The following GRM7 variants were observed in gnomAD, a reference collection of about 807,000 sequenced individuals.
GRM7 encodes the protein metabotropic glutamate receptor 7.
GRM7 carries 35 observed loss-of-function variants against 84.5 expected under a neutral mutation model. The ratio of observed to expected loss-of-function variants is 0.41; its 90% CI spans 0.32 to 0.55. The LOEUF (loss-of-function observed/expected upper bound fraction) is 0.55, where lower values mean the gene tolerates loss of function less well. Ranked by LOEUF, GRM7 falls within the 20% of genes least tolerant of loss-of-function variation. The probability of loss-of-function intolerance (pLI) is 0.19; values close to 1 mark genes in which losing one functional copy is unlikely to be tolerated. For missense variants in GRM7, 1,003 were observed against 1,194.6 expected, an observed-to-expected ratio of 0.84 and a Z score of 2.36; for synonymous variants, 487 against 455.1, an observed-to-expected ratio of 1.07 and a Z score of -0.89.
intron 2 of GRM7, among the ~76,000 whole-genome samples, chr3:7,150,847 C>A (rs1483361490): frequency 1.3e-5 from 2 of 152,148 alleles, no homozygotes; most frequent in African/African-American, 4.8e-5. Context: ...ATTCCAGATC[C>A]TTTTAACCAA....
At chr3:7,666,639 G>A (rs1699713170) in intron 8 of GRM7, among the ~76,000 whole-genome samples, 1 of 152,122 alleles carries the variant, frequency 6.6e-6, no homozygotes, top group South Asian at 2.1e-4. Flanking sequence ...GGTAGCCACT[G>A]GTCTTTGTGC....
intron 7 of GRM7, among the ~76,000 whole-genome samples, chr3:7,571,313 G>T (rs1325927722): frequency 3.9e-5 from 6 of 152,050 alleles, no homozygotes; most frequent in African/African-American, 1.4e-4. Context: ...CCATGCTTCT[G>T]TGCTCTGCTT....
At chr3:6,904,826 T>C (rs1696510780) in intron 1 of GRM7, among the ~76,000 whole-genome samples, 1 of 152,056 alleles carries the variant, frequency 6.6e-6, no homozygotes, top group Admixed American at 6.6e-5. Context: ...GCTCAAGTTA[T>C]CCTCCACCTT....
chr3:7,181,949 A>C (rs1695351769), intron 2 of GRM7, among the ~76,000 whole-genome samples: 1 of 152,144 alleles, frequency 6.6e-6, no homozygotes, highest in Non-Finnish European at 1.5e-5. Flanking sequence ...AAAAAGAAGT[A>C]GAATTTTAGT....
rs112408879 is a variant in GRM7 at position 6,998,607 on chromosome 3, T to C, written c.519+136700T>C. Among the ~76,000 whole-genome samples the C allele has an allele frequency of 6.3e-3, 961 of 152,370 alleles. 8 individuals are homozygous for C. The highest frequency in any genetic ancestry group is 0.03 in the East Asian group (158 of 5,184). ...AAGTTCTCCCTGAGGGCTCTGCTCC[T>C]GCACCAAACTTCTGCCTGGGCATCG... On this transcript the variant is annotated intron_variant, in intron 1 of 9. Transcript: ENST00000357716.
chr3:6,898,893 G>A (rs935983889), intron 1 of GRM7, among the ~76,000 whole-genome samples: 2 of 152,120 alleles, frequency 1.3e-5, no homozygotes, highest in African/African-American at 4.8e-5. Context: ...GTGAAGCTGG[G>A]TGCATGACTG....
chr3:6,991,957 GTTTGT>G (rs1275608547), intron 1 of GRM7, among the ~76,000 whole-genome samples: 3 of 151,098 alleles, frequency 2.0e-5, no homozygotes, highest in Non-Finnish European at 4.4e-5. Context: ...CTTGCAACCA[GTTTGT>G]TTTATGTTCA....
At chr3:7,096,645 C>T (rs1698871545) in intron 1 of GRM7, among the ~76,000 whole-genome samples, 1 of 152,068 alleles carries the variant, frequency 6.6e-6, no homozygotes, top group South Asian at 2.1e-4. Context: ...CCACATGAGT[C>T]AACTCAACTT....
chr3:7,368,954 T>C (rs1235137506), intron 4 of GRM7, among the ~76,000 whole-genome samples: 1 of 150,486 alleles, frequency 6.6e-6, no homozygotes, highest in African/African-American at 2.4e-5. Context: ...TTTGATCCCA[T>C]TACTTTTCAA....
At chr3:7,520,676 A>T (rs1489959818) in intron 7 of GRM7, among the ~76,000 whole-genome samples, 5 of 152,174 alleles carry the variant, frequency 3.3e-5, no homozygotes, top group Admixed American at 2.0e-4. Flanking sequence ...AGCCTGATTC[A>T]CACTGTGCCC....
At chr3:7,572,358 C>T (rs1353338550) in intron 7 of GRM7, among the ~76,000 whole-genome samples, 2 of 152,084 alleles carry the variant, frequency 1.3e-5, no homozygotes, top group Non-Finnish European at 2.9e-5. Context: ...AGAAGATCCC[C>T]AAGTAATTCA....
chr3:7,302,745 T>C (rs1375784682), intron 3 of GRM7, among the ~76,000 whole-genome samples: 1 of 152,060 alleles, frequency 6.6e-6, no homozygotes, highest in African/African-American at 2.4e-5. Context: ...AAACTAAGTA[T>C]ATTTGTAATT....
At chr3:7,557,558 C>T (rs1440157530) in intron 7 of GRM7, among the ~76,000 whole-genome samples, 2 of 152,116 alleles carry the variant, frequency 1.3e-5, no homozygotes, top group Admixed American at 6.5e-5. Flanking sequence ...GTTTATCCTT[C>T]TGATCAACTT....
At chr3:7,378,937 GCCAT>G (rs1244660159) in intron 4 of GRM7, among the ~76,000 whole-genome samples, 5 of 152,146 alleles carry the variant, frequency 3.3e-5, no homozygotes, top group African/African-American at 1.2e-4. Context: ...TGACTGCAAT[GCCAT>G]TATCACATCT....
rs192516957 is a variant in GRM7 at position 7,456,357 on chromosome 3, G to A, written c.1375+3550G>A. Among the ~76,000 whole-genome samples, 245 of 151,836 alleles carry A rather than the reference G, an allele frequency of 1.6e-3. 1 individual carries two copies. The highest frequency in any genetic ancestry group is 2.0e-3 in the Non-Finnish European group (134 of 67,902). On this transcript the variant is annotated intron_variant, in intron 6 of 9. Coordinates refer to ENST00000357716, the MANE Select transcript of GRM7 (RefSeq NM_000844.4). ...TCCATAGGGCTTATGTTTATTAAGTGGTTATTGTGTGCCAGAAACTGCTAA... is the reference window on the plus strand; with the variant it reads ...TCCATAGGGCTTATGTTTATTAAGTAGTTATTGTGTGCCAGAAACTGCTAA...
At chr3:7,452,042 T>C (rs1021597866) in intron 5 of GRM7, among the ~76,000 whole-genome samples, 1 of 152,148 alleles carries the variant, frequency 6.6e-6, no homozygotes, top group Non-Finnish European at 1.5e-5. Flanking sequence ...CACTGTTCAG[T>C]ACTTCACAGG....
At chr3:7,127,275 C>T (rs1693433266) in intron 1 of GRM7, among the ~76,000 whole-genome samples, 1 of 152,188 alleles carries the variant, frequency 6.6e-6, no homozygotes, top group African/African-American at 2.4e-5. Context: ...GATTACTTCT[C>T]TTTGATTTCT....
intron 4 of GRM7, among the ~76,000 whole-genome samples, chr3:7,378,424 C>G (rs1356970351): frequency 6.6e-6 from 1 of 152,140 alleles, no homozygotes; most frequent in East Asian, 1.9e-4. Context: ...TTTCTACTTG[C>G]ATAAGCTAAA....
intron 4 of GRM7, among the ~76,000 whole-genome samples, chr3:7,396,116 G>A (rs1695203162): frequency 6.6e-6 from 1 of 152,110 alleles, no homozygotes; most frequent in African/African-American, 2.4e-5. Context: ...ATCTCTGAGA[G>A]GGTTCATTTT....
Sources: gnomAD v4.1 joint callset for allele counts (sites outside exome capture counted in the v4.1 genomes callset) on GRCh38, gnomAD v4.1.1 for gene constraint, MANE v1.5 for transcripts, NCBI Gene and HGNC (gene_info 2026-07-23, HGNC 2026-07-21) for gene names.